SLC4A7: variants seen among roughly 807,000 people sequenced by gnomAD.
SLC4A7 encodes sodium bicarbonate cotransporter 3.
A neutral mutation model predicts 137.6 loss-of-function variants in SLC4A7; 51 were observed. That is an observed-to-expected ratio of 0.37 (90% confidence interval 0.30 to 0.47). SLC4A7 has a LOEUF of 0.47. Among genes scored for constraint, SLC4A7 ranks in the 20% least tolerant of loss-of-function variants. SLC4A7 has a pLI of 1.00. For missense variants in SLC4A7, 1,247 were observed against 1,525.4 expected, an observed-to-expected ratio of 0.82 and a Z score of 3.04; for synonymous variants, 542 against 518.6, an observed-to-expected ratio of 1.05 and a Z score of -0.61.
At chr3:27,463,316 G>A (rs967613533) in intron 1 of SLC4A7, among the ~76,000 whole-genome samples, 1 of 152,168 alleles carries the variant, frequency 6.6e-6, no homozygotes, top group Admixed American at 6.5e-5. Flanking sequence ...CTATAGTCCA[G>A]CTACTCAGGA....
chr3:27,395,037 G>C lies in SLC4A7; in HGVS notation c.2782C>G (p.Pro928Ala). Residue 928 changes from proline (P) to alanine (A), a missense_variant, in exon 19 of 26, where the codon CCT (proline) becomes GCT (alanine). Coordinates refer to ENST00000454389, the MANE Select transcript of SLC4A7 (RefSeq NM_001321103.2). ...PWWTLLIAAI[P>A]ALLCTILIFM... ...ATGAGAATGGTACAAAGCAAAGCAGGAATAGCAGCTATTAATAAGGTCCAC... is the reference window on the plus strand; with the variant it reads ...ATGAGAATGGTACAAAGCAAAGCAGCAATAGCAGCTATTAATAAGGTCCAC... The C allele has an allele frequency of 6.2e-7, 1 of 1,612,750 alleles. No individual in the cohort carries two copies. The highest frequency in any genetic ancestry group is 8.5e-7 in the Non-Finnish European group (1 of 1,179,260).
At chr3:27,410,380 C>G (rs2053787544) in intron 12 of SLC4A7, among the ~76,000 whole-genome samples, 1 of 152,092 alleles carries the variant, frequency 6.6e-6, no homozygotes, top group Admixed American at 6.6e-5. Flanking sequence ...CGTTTTAATA[C>G]TCAAAAAACA....
At chr3:27,436,218 A>C (rs1366265093) in intron 5 of SLC4A7, among the ~76,000 whole-genome samples, 170 bp downstream of exon 5, 1 of 152,194 alleles carries the variant, frequency 6.6e-6, no homozygotes. Context: ...CTGATACTAC[A>C]CTTATGTCGG....
intron 3 of SLC4A7, among the ~76,000 whole-genome samples, chr3:27,440,812 A>G (rs2057131143): frequency 6.6e-6 from 1 of 152,136 alleles, no homozygotes; most frequent in African/African-American, 2.4e-5. Context: ...TGGGAGGCCA[A>G]GGTGGGTGGA....
chr3:27,410,295 G>C (rs139073776), intron 12 of SLC4A7, among the ~76,000 whole-genome samples: 127 of 152,142 alleles, frequency 8.3e-4, no homozygotes, highest in African/African-American at 2.7e-3. Flanking sequence ...TGTTCACTGC[G>C]TTATCTACAG....
Position 27,484,361 on chromosome 3 carries a change from G to C in SLC4A7, c.-235C>G. The C allele has an allele frequency of 3.0e-6, 1 of 334,418 alleles. No homozygotes were observed. The highest frequency in any genetic ancestry group is 5.4e-6 in the Non-Finnish European group (1 of 185,528). 20.7% of individuals were successfully genotyped at this position (334,418 alleles called of 1,614,324 possible). A position where few individuals can be genotyped will look rare whatever the true frequency, so the allele number is the denominator to read the frequency against. ...GGCTTTAGTAGGAGAGCGAGGCCGC[G>C]GCGTGGAACCTGAAGCTAGAACTGA... On this transcript the variant is annotated 5_prime_UTR_variant, in exon 1 of 26. Transcript: ENST00000454389.
intron 16 of SLC4A7, among the ~76,000 whole-genome samples, chr3:27,399,445 T>C (rs2052533495): frequency 6.6e-6 from 1 of 152,218 alleles, no homozygotes; most frequent in South Asian, 2.1e-4. Flanking sequence ...TTCTTTTATT[T>C]GTTTTTAGAG....
Position 27,423,193 on chromosome 3 carries a change from A to C in SLC4A7, c.1266+844T>G, listed in dbSNP as rs188429062. Among the ~76,000 whole-genome samples, 116 of 152,318 alleles carry C rather than the reference A, an allele frequency of 7.6e-4. 1 individual carries two copies. Among genetic ancestry groups the C allele is most frequent in the African/African-American group, 2.6e-3 (107 of 41,572 alleles). On this transcript the variant is annotated intron_variant, in intron 8 of 25. Transcript: ENST00000454389. ...CAAACCATTTAAACTCCTTTTCTGT[A>C]AAATATATCTTGTAGACTTTTCATC...
chr3:27,415,476 G>A (rs1162526534), intron 11 of SLC4A7, among the ~76,000 whole-genome samples: 1 of 152,146 alleles, frequency 6.6e-6, no homozygotes, highest in Non-Finnish European at 1.5e-5. Flanking sequence ...TTAAATCCTG[G>A]TGCTCACTAA....
intron 2 of SLC4A7, 115 bp from the exon 3 acceptor site, chr3:27,448,912 T>C: frequency 4.7e-6 from 3 of 633,476 alleles, no homozygotes; most frequent in Non-Finnish European, 7.4e-6. Context: ...TAATTAACAA[T>C]GGTAGTCTCC....
At chr3:27,427,978 CTAAT>C (rs1310625956) in intron 7 of SLC4A7, among the ~76,000 whole-genome samples, 2 of 152,062 alleles carry the variant, frequency 1.3e-5, no homozygotes, top group African/African-American at 4.8e-5. Context: ...TTTATAGTTC[CTAAT>C]TATTTATAAC....
At chr3:27,397,994 C>T (rs2052370510) in intron 17 of SLC4A7, 197 bp from the exon 18 acceptor site, 1 of 608,124 alleles carries the variant, frequency 1.6e-6, no homozygotes, top group African/African-American at 1.9e-5. Context: ...ACTAACCTAG[C>T]AACTCTTATG....
intron 11 of SLC4A7, among the ~76,000 whole-genome samples, chr3:27,415,300 C>G (rs2054277169): frequency 6.6e-6 from 1 of 152,152 alleles, no homozygotes; most frequent in Admixed American, 6.5e-5. Context: ...TGGGACCAAT[C>G]CAGAAAAAGG....
intron 1 of SLC4A7, among the ~76,000 whole-genome samples, chr3:27,479,437 T>C (rs1293486561): frequency 1.4e-5 from 2 of 146,484 alleles, no homozygotes; most frequent in Non-Finnish European, 3.0e-5. Context: ...AAAAAAAAGG[T>C]ATTAGGCCAC....
At chr3:27,465,173 C>T (rs2058915300) in intron 1 of SLC4A7, among the ~76,000 whole-genome samples, 1 of 151,584 alleles carries the variant, frequency 6.6e-6, no homozygotes, top group South Asian at 2.1e-4. Flanking sequence ...CCTGTAATCC[C>T]AGCCACCCGG....
At chr3:27,474,878 T>C (rs1186134176) in intron 1 of SLC4A7, among the ~76,000 whole-genome samples, 1 of 151,702 alleles carries the variant, frequency 6.6e-6, no homozygotes, top group East Asian at 2.0e-4. Context: ...TCCCAGAACT[T>C]TGCCAGATCA....
rs1167112563 is a variant in SLC4A7, at chr3:27,376,711, C to T, written c.*53G>A. On this transcript the variant is annotated 3_prime_UTR_variant, in exon 26 of 26. Coordinates refer to ENST00000454389, the MANE Select transcript of SLC4A7 (RefSeq NM_001321103.2). Reference sequence around the variant, plus strand: ...TATTCTTATATATAGTGACATGATACGCACACATTACATATGTATATATCT... The same window carrying T: ...TATTCTTATATATAGTGACATGATATGCACACATTACATATGTATATATCT... The T allele has an allele frequency of 6.9e-5, 72 of 1,036,224 alleles. 1 individual carries two copies. In the East Asian group the frequency reaches 1.4e-3, roughly 21 times the overall value. The allele number at this position is 1,036,224 out of a possible 1,614,324, so 64.2% of individuals were successfully genotyped here.
At chr3:27,468,247 A>T (rs983728386) in intron 1 of SLC4A7, among the ~76,000 whole-genome samples, 11 of 152,360 alleles carry the variant, frequency 7.2e-5, no homozygotes, top group Admixed American at 2.6e-4. Flanking sequence ...TCTTATTAAG[A>T]GATTAAAACA....
intron 1 of SLC4A7, among the ~76,000 whole-genome samples, chr3:27,455,383 T>G (rs2058337909): frequency 6.6e-6 from 1 of 152,198 alleles, no homozygotes; most frequent in African/African-American, 2.4e-5. Context: ...AGACATGTTT[T>G]CATATGTATT....
Sources: gnomAD v4.1 joint callset for allele counts (sites outside exome capture counted in the v4.1 genomes callset) on GRCh38, gnomAD v4.1.1 for gene constraint, MANE v1.5 for transcripts, NCBI Gene and HGNC (gene_info 2026-07-23, HGNC 2026-07-21) for gene names.